Variants in SLC25A21 observed in about 807,000 individuals in gnomAD.
SLC25A21 encodes the protein solute carrier family 25 member 21.
SLC25A21 carries 47 observed loss-of-function variants against 43.8 expected under a neutral mutation model. That is an observed-to-expected ratio of 1.07 (90% CI 0.85 to 1.37). SLC25A21 has a LOEUF of 1.37. Ranked by LOEUF, SLC25A21 falls within the 40% of genes most tolerant of loss-of-function variation. SLC25A21 has a pLI of 0.00. For missense variants in SLC25A21, 352 were observed against 350.2 expected, an observed-to-expected ratio of 1.00 and a Z score of -0.04; for synonymous variants, 131 against 121.3, an observed-to-expected ratio of 1.08 and a Z score of -0.52.
chr14:36,932,647 A>T (rs1006784992), intron 1 of SLC25A21, among the ~76,000 whole-genome samples: 4 of 152,078 alleles, frequency 2.6e-5, no homozygotes, highest in African/African-American at 9.7e-5. Flanking sequence ...AGTAATATTT[A>T]TCATATACAT....
rs1476400703 is a variant in SLC25A21 at position 36,679,068 on chromosome 14, A to AG, written c.*1589dup. ...CCTTTTCTATCTGATCCACATGGAG[A>AG]GGTTAAAGGTTCAATTTCATGACCT... is the stretch of plus-strand genomic sequence containing the variant. On this transcript the variant is annotated 3_prime_UTR_variant, in exon 10 of 10. Transcript: ENST00000331299. 53 of 985,276 alleles carry AG rather than the reference A, an allele frequency of 5.4e-5. No homozygotes were observed. Among genetic ancestry groups the AG allele is most frequent in the Non-Finnish European group, 6.4e-5 (53 of 829,934 alleles). 61.0% of individuals were successfully genotyped at this position (985,276 alleles called of 1,614,324 possible).
chr14:36,784,458 G>T (rs2138385534), intron 3 of SLC25A21, among the ~76,000 whole-genome samples: 1 of 152,182 alleles, frequency 6.6e-6, no homozygotes, highest in Non-Finnish European at 1.5e-5. Context: ...CCTCTTCTAA[G>T]CAGCACATAG....
chr14:37,068,812 A>C (rs1041492373), intron 1 of SLC25A21, among the ~76,000 whole-genome samples: 1 of 152,352 alleles, frequency 6.6e-6, no homozygotes, highest in South Asian at 2.1e-4. Flanking sequence ...TATGAGCACA[A>C]TCATATTTTC....
intron 3 of SLC25A21, among the ~76,000 whole-genome samples, chr14:36,771,128 TG>T (rs1886603463): frequency 6.6e-6 from 1 of 152,238 alleles, no homozygotes; most frequent in African/African-American, 2.4e-5. Context: ...GATCAACTTT[TG>T]TTATCTGACA....
chr14:36,726,501 A>C (rs1206894368), intron 5 of SLC25A21, among the ~76,000 whole-genome samples: 1 of 152,182 alleles, frequency 6.6e-6, no homozygotes, highest in Non-Finnish European at 1.5e-5. Flanking sequence ...CAAAGAAATG[A>C]CTAGGTTATT....
intron 1 of SLC25A21, among the ~76,000 whole-genome samples, chr14:37,059,359 C>T (rs1961895914): frequency 6.6e-6 from 1 of 152,062 alleles, no homozygotes; most frequent in African/African-American, 2.4e-5. Context: ...AGAGTATGAA[C>T]CCAAAGAGTC....
intron 3 of SLC25A21, among the ~76,000 whole-genome samples, chr14:36,797,258 T>C (rs1330653727): frequency 6.6e-6 from 1 of 152,200 alleles, no homozygotes; most frequent in African/African-American, 2.4e-5. Flanking sequence ...CAAGTAATTT[T>C]CCATTCATAG....
chr14:36,913,926 T>C (rs111610369), intron 1 of SLC25A21, among the ~76,000 whole-genome samples: 4,209 of 152,330 alleles, frequency 0.028, 126 homozygotes, highest in Middle Eastern at 0.071. Context: ...CTAAGAAATA[T>C]TGGACTGTTA....
intron 2 of SLC25A21, among the ~76,000 whole-genome samples, chr14:36,815,759 T>C (rs906267515): frequency 2.0e-5 from 3 of 152,118 alleles, no homozygotes; most frequent in Non-Finnish European, 2.9e-5. Context: ...ATTTCTCCCG[T>C]ACCTGAGTTG....
intron 2 of SLC25A21, among the ~76,000 whole-genome samples, chr14:36,826,664 G>C (rs1888843173): frequency 1.3e-5 from 2 of 152,200 alleles, no homozygotes. Context: ...ATCAGTATGG[G>C]CTGTTCACAG....
intron 1 of SLC25A21, among the ~76,000 whole-genome samples, chr14:36,903,381 G>A (rs1298823876): frequency 6.6e-6 from 1 of 151,974 alleles, no homozygotes; most frequent in Non-Finnish European, 1.5e-5. Context: ...GGAGGCCAAG[G>A]TGGGTGGATC....
At chr14:37,133,472 C>CA (rs1319760733) in intron 1 of SLC25A21, among the ~76,000 whole-genome samples, 1 of 151,954 alleles carries the variant, frequency 6.6e-6, no homozygotes, top group Non-Finnish European at 1.5e-5. Context: ...TTCCCACTGC[C>CA]ACTGCCCTAA....
At chr14:36,733,182 T>C (rs1884899868) in intron 4 of SLC25A21, among the ~76,000 whole-genome samples, 2 of 152,242 alleles carry the variant, frequency 1.3e-5, no homozygotes, top group Non-Finnish European at 2.9e-5. Context: ...TGTAACTCAC[T>C]GAACAGATGA....
At chr14:37,129,685 A>T (rs2138903772) in intron 1 of SLC25A21, among the ~76,000 whole-genome samples, 1 of 152,086 alleles carries the variant, frequency 6.6e-6, no homozygotes, top group Non-Finnish European at 1.5e-5. Flanking sequence ...AAAAAAAAAA[A>T]AAAAGTCCAC....
At chr14:36,866,887 T>A (rs929290368) in intron 2 of SLC25A21, among the ~76,000 whole-genome samples, 1 of 152,234 alleles carries the variant, frequency 6.6e-6, no homozygotes, top group African/African-American at 2.4e-5. Context: ...TATGTTGCTA[T>A]GGTAATGTTT....
At chr14:36,703,568 G>T (rs112050726) in intron 7 of SLC25A21, among the ~76,000 whole-genome samples, 1 of 152,130 alleles carries the variant, frequency 6.6e-6, no homozygotes, top group Admixed American at 6.5e-5. Context: ...AACACAAAAG[G>T]TCTATTGTTT....
At chr14:36,923,766 A>C (rs112282921) in intron 1 of SLC25A21, among the ~76,000 whole-genome samples, 6,594 of 152,122 alleles carry the variant, frequency 0.043, 284 homozygotes, top group Middle Eastern at 0.14. Context: ...CAATACAAAA[A>C]TTTTCTTCCA....
chr14:37,025,800 C>T (rs1041143332), intron 1 of SLC25A21, among the ~76,000 whole-genome samples: 1 of 152,034 alleles, frequency 6.6e-6, no homozygotes, highest in Non-Finnish European at 1.5e-5. Flanking sequence ...TCCTTGAGTT[C>T]CTTGCTGGAG....
At chr14:36,849,378 C>T (rs1889651286) in intron 2 of SLC25A21, among the ~76,000 whole-genome samples, 1 of 152,132 alleles carries the variant, frequency 6.6e-6, no homozygotes, top group East Asian at 1.9e-4. Context: ...AAATGACACC[C>T]TGATTCAACA....
Sources: allele counts gnomAD v4.1 joint callset (sites outside exome capture counted in the v4.1 genomes callset), GRCh38; gene constraint gnomAD v4.1.1; transcripts MANE v1.5; gene names NCBI Gene and HGNC (gene_info 2026-07-23, HGNC 2026-07-21).